Variants in INPP4B observed in about 807,000 individuals in gnomAD.
INPP4B encodes the protein inositol polyphosphate 4-phosphatase type II.
In INPP4B, 55 loss-of-function variants were observed where a neutral mutation model predicts 122.5. The observed-to-expected ratio is 0.45, with a 90% CI of 0.36 to 0.56. INPP4B has a LOEUF of 0.56. INPP4B is among the 20% of genes least tolerant of loss of function. The pLI is 0.00. For missense variants in INPP4B, 1,000 were observed against 1,097.7 expected (o/e 0.91, Z 1.26); for synonymous variants, 403 against 388.7 (o/e 1.04, Z -0.43).
chr4:142,366,918 G>A (rs900002187), intron 7 of INPP4B, among the ~76,000 whole-genome samples: 17 of 152,142 alleles, frequency 1.1e-4, no homozygotes, highest in Admixed American at 2.0e-4. Flanking sequence ...TTAAAGGAAA[G>A]GACCATTTAT....
intron 2 of INPP4B, among the ~76,000 whole-genome samples, chr4:142,637,891 A>C (rs114842405): frequency 0.012 from 1,765 of 152,262 alleles, 31 homozygotes; most frequent in African/African-American, 0.04. Flanking sequence ...TGGGCCATTC[A>C]AAAAGGTGTG....
chr4:142,464,696 T>C (rs1297752284), intron 2 of INPP4B, among the ~76,000 whole-genome samples: 1 of 152,144 alleles, frequency 6.6e-6, no homozygotes, highest in Non-Finnish European at 1.5e-5. Context: ...ACCATCTGCT[T>C]ACTACTAAAC....
chr4:142,097,025 T>C (rs1278504589), intron 23 of INPP4B, among the ~76,000 whole-genome samples: 1 of 151,908 alleles, frequency 6.6e-6, no homozygotes, highest in Non-Finnish European at 1.5e-5. Flanking sequence ...ATTTAAAAAA[T>C]GCAAATGAGG....
At chr4:142,063,648 C>T (rs1762102492) in intron 25 of INPP4B, among the ~76,000 whole-genome samples, 1 of 152,092 alleles carries the variant, frequency 6.6e-6, no homozygotes, top group Admixed American at 6.6e-5. Context: ...AATATATACA[C>T]ATAAATTTAT....
intron 11 of INPP4B, among the ~76,000 whole-genome samples, chr4:142,245,062 T>C (rs1727232993): frequency 6.6e-6 from 1 of 152,190 alleles, no homozygotes; most frequent in African/African-American, 2.4e-5. Context: ...TGCCCACTTT[T>C]GGATGGGTTT....
intron 5 of INPP4B, among the ~76,000 whole-genome samples, chr4:142,410,883 A>T (rs1485187594): frequency 6.6e-6 from 1 of 152,352 alleles, no homozygotes; most frequent in African/African-American, 2.4e-5. Flanking sequence ...TATACTAATC[A>T]TATGCTCAAG....
chr4:142,461,806 A>AACACACACAC (rs3076617), intron 3 of INPP4B, among the ~76,000 whole-genome samples: 280 of 150,784 alleles, frequency 1.9e-3, no homozygotes, highest in Middle Eastern at 6.9e-3. Context: ...TAAAAGTACA[A>AACACACACAC]ACACACACAC....
intron 1 of INPP4B, chr4:142,765,825 T>C (rs753480608): frequency 1.4e-5 from 2 of 147,148 alleles, no homozygotes; most frequent in Non-Finnish European, 3.0e-5. Context: ...TGCAAGAAAC[T>C]CAGCAAAAAG....
chr4:142,691,386 T>C (rs908783279), intron 2 of INPP4B, among the ~76,000 whole-genome samples: 4 of 151,976 alleles, frequency 2.6e-5, no homozygotes, highest in African/African-American at 4.8e-5. Context: ...TAGGCCTATG[T>C]TTCGAAAACA....
intron 7 of INPP4B, among the ~76,000 whole-genome samples, chr4:142,390,596 C>T (rs535938723): frequency 1.2e-4 from 19 of 152,116 alleles, no homozygotes; most frequent in African/African-American, 3.6e-4. Flanking sequence ...GATTATTTGA[C>T]GTATTTAGAT....
chr4:142,400,180 T>C, intron 7 of INPP4B, among the ~76,000 whole-genome samples: 1 of 152,170 alleles, frequency 6.6e-6, no homozygotes, highest in Non-Finnish European at 1.5e-5. Context: ...AACGTGTTTA[T>C]TTCACCGGTT....
chr4:142,214,026 C>G (rs1381880213), intron 12 of INPP4B, among the ~76,000 whole-genome samples: 1 of 152,122 alleles, frequency 6.6e-6, no homozygotes, highest in East Asian at 1.9e-4. Context: ...TGTATGGAGC[C>G]AATGGATCCA....
At chr4:142,728,939 T>C (rs770851226) in intron 1 of INPP4B, among the ~76,000 whole-genome samples, 2 of 89,674 alleles carry the variant, frequency 2.2e-5, no homozygotes, top group Non-Finnish European at 4.6e-5. Flanking sequence ...TCTGATAACT[T>C]AGAACTTATT....
At chr4:142,071,647 T>C (rs1002437731) in intron 25 of INPP4B, among the ~76,000 whole-genome samples, 1 of 151,358 alleles carries the variant, frequency 6.6e-6, no homozygotes, top group African/African-American at 2.4e-5. Flanking sequence ...CAAGAAAAAA[T>C]CAAACAACCC....
At chr4:142,612,594 A>G (rs1159531700) in intron 2 of INPP4B, among the ~76,000 whole-genome samples, 1 of 152,186 alleles carries the variant, frequency 6.6e-6, no homozygotes, top group Non-Finnish European at 1.5e-5. Flanking sequence ...GTTAGTGTAA[A>G]AAGAATTGCA....
intron 2 of INPP4B, among the ~76,000 whole-genome samples, chr4:142,580,191 T>A (rs1004281377): frequency 6.6e-6 from 1 of 151,538 alleles, no homozygotes; most frequent in Non-Finnish European, 1.5e-5. Flanking sequence ...GAAGACTGGG[T>A]GGGGAGAAAA....
intron 1 of INPP4B, among the ~76,000 whole-genome samples, chr4:142,812,823 G>T (rs971531451): frequency 6.6e-6 from 1 of 152,080 alleles, no homozygotes; most frequent in Non-Finnish European, 1.5e-5. Flanking sequence ...GATTTGACAG[G>T]TTGTATATGT....
At chr4:142,505,328 A>G (rs1233669318) in intron 2 of INPP4B, among the ~76,000 whole-genome samples, 1 of 152,130 alleles carries the variant, frequency 6.6e-6, no homozygotes, top group Admixed American at 6.6e-5. Context: ...TTATCAATAA[A>G]AATGGTGATG....
intron 2 of INPP4B, among the ~76,000 whole-genome samples, chr4:142,608,830 C>A (rs1021924355): frequency 1.4e-4 from 22 of 152,158 alleles, no homozygotes; most frequent in Non-Finnish European, 2.9e-4. Context: ...ACCTTTCTAG[C>A]CAGTGCTGCT....
Sources: allele counts gnomAD v4.1 joint callset (sites outside exome capture counted in the v4.1 genomes callset), GRCh38; gene constraint gnomAD v4.1.1; transcripts MANE v1.5; gene names NCBI Gene and HGNC (gene_info 2026-07-23, HGNC 2026-07-21).